Variants in LHFPL3 observed in about 807,000 individuals in gnomAD.
LHFPL3 encodes the protein LHFPL tetraspan subfamily member 3 protein.
LHFPL3 carries 5 observed loss-of-function variants against 19.3 expected under a neutral mutation model. The ratio of observed to expected loss-of-function variants is 0.26; its 90% CI spans 0.14 to 0.54. The LOEUF (loss-of-function observed/expected upper bound fraction) is 0.54, where lower values mean the gene tolerates loss of function less well. LHFPL3 is among the 20% of genes least tolerant of loss of function. The pLI is 0.94. For synonymous variants in LHFPL3, 133 were observed against 126.2 expected, an observed-to-expected ratio of 1.05 and a Z score of -0.36; for missense variants, 249 against 307.4, an observed-to-expected ratio of 0.81 and a Z score of 1.42.
At chr7:104,681,388 G>A (rs1252080439) in intron 1 of LHFPL3, among the ~76,000 whole-genome samples, 1 of 152,094 alleles carries the variant, frequency 6.6e-6, no homozygotes, top group Non-Finnish European at 1.5e-5. Flanking sequence ...ACTTTGGGAG[G>A]CCAAGGCAGG....
intron 1 of LHFPL3, among the ~76,000 whole-genome samples, chr7:104,547,958 G>C (rs1190917725): frequency 6.6e-6 from 1 of 152,072 alleles, no homozygotes; most frequent in Non-Finnish European, 1.5e-5. Context: ...GTACAAGTTA[G>C]ATCTCACCTA....
At chr7:104,591,475 G>A (rs186659515) in intron 1 of LHFPL3, among the ~76,000 whole-genome samples, 2 of 152,312 alleles carry the variant, frequency 1.3e-5, no homozygotes, top group South Asian at 4.1e-4. Flanking sequence ...CGTTTCTGCT[G>A]AGAGATCTGC....
intron 2 of LHFPL3, among the ~76,000 whole-genome samples, chr7:104,743,034 T>C (rs2116322066): frequency 6.6e-6 from 1 of 152,100 alleles, no homozygotes; most frequent in South Asian, 2.1e-4. Flanking sequence ...GGCAGGAGAA[T>C]CTCTTGAACC....
intron 2 of LHFPL3, among the ~76,000 whole-genome samples, chr7:104,823,008 C>G (rs936023522): frequency 6.6e-6 from 1 of 152,216 alleles, no homozygotes; most frequent in East Asian, 1.9e-4. Context: ...GAGCCGTACG[C>G]TCTGCATGAA....
intron 1 of LHFPL3, among the ~76,000 whole-genome samples, chr7:104,608,315 C>T (rs1401638960): frequency 6.6e-6 from 1 of 151,870 alleles, no homozygotes; most frequent in African/African-American, 2.4e-5. Context: ...ACTATGCAGC[C>T]ATAAAAAATG....
chr7:104,728,952 T>A (rs4352778), intron 1 of LHFPL3, among the ~76,000 whole-genome samples: 89,652 of 152,088 alleles, frequency 0.59, 26,824 homozygotes, highest in East Asian at 0.89. Flanking sequence ...TAGTATCCTG[T>A]ATAATTCAAT....
chr7:104,415,616 A>G (rs1428126247), intron 1 of LHFPL3, among the ~76,000 whole-genome samples: 1 of 152,184 alleles, frequency 6.6e-6, no homozygotes, highest in Non-Finnish European at 1.5e-5. Context: ...GTTCTTGGTA[A>G]CCTAAATACC....
At chr7:104,624,906 G>A (rs1355319151) in intron 1 of LHFPL3, among the ~76,000 whole-genome samples, 1 of 152,162 alleles carries the variant, frequency 6.6e-6, no homozygotes, top group African/African-American at 2.4e-5. Flanking sequence ...TCTGAGTCCA[G>A]GTTTAAAAAG....
At chr7:104,624,784 A>G (rs1431356503) in intron 1 of LHFPL3, among the ~76,000 whole-genome samples, 1 of 152,218 alleles carries the variant, frequency 6.6e-6, no homozygotes, top group Non-Finnish European at 1.5e-5. Context: ...GATCTATGAA[A>G]GATGTGCTTT....
At chr7:104,856,390 C>T (rs1237881996) in intron 2 of LHFPL3, among the ~76,000 whole-genome samples, 1 of 152,012 alleles carries the variant, frequency 6.6e-6, no homozygotes, top group Non-Finnish European at 1.5e-5. Context: ...GCCGGGATTA[C>T]AGGCACCCGC....
At chr7:104,769,818 G>A (rs1794521548) in intron 2 of LHFPL3, among the ~76,000 whole-genome samples, 1 of 151,654 alleles carries the variant, frequency 6.6e-6, no homozygotes, top group Admixed American at 6.6e-5. Flanking sequence ...TAAAGAAAAT[G>A]TGGCACATAT....
intron 1 of LHFPL3, among the ~76,000 whole-genome samples, chr7:104,615,763 A>C (rs1257708828): frequency 6.6e-6 from 1 of 150,928 alleles, no homozygotes; most frequent in South Asian, 2.1e-4. Flanking sequence ...CTTATGAGTG[A>C]GAACATGCGG....
intron 1 of LHFPL3, among the ~76,000 whole-genome samples, chr7:104,462,220 T>C (rs1213069519): frequency 6.6e-6 from 1 of 152,226 alleles, no homozygotes; most frequent in Non-Finnish European, 1.5e-5. Context: ...TCTTCCTATG[T>C]GATGCCCTTT....
chr7:104,699,853 C>T (rs765648354), intron 1 of LHFPL3, among the ~76,000 whole-genome samples: 3 of 152,134 alleles, frequency 2.0e-5, no homozygotes, highest in Non-Finnish European at 4.4e-5. Flanking sequence ...CAGGAAGCTC[C>T]GTCCATACTG....
At chr7:104,445,959 G>C (rs750490454) in intron 1 of LHFPL3, among the ~76,000 whole-genome samples, 1 of 152,060 alleles carries the variant, frequency 6.6e-6, no homozygotes, top group Non-Finnish European at 1.5e-5. Context: ...TTCTACTGGG[G>C]TTGCTAATGA....
chr7:104,416,410 G>A lies in LHFPL3; in HGVS notation c.445+87186G>A, dbSNP rs543473577. Among the ~76,000 whole-genome samples, 53 of 152,252 alleles carry A rather than the reference G, an allele frequency of 3.5e-4. 1 individual carries two copies. The highest frequency in any genetic ancestry group is 5.9e-4 in the Admixed American group (9 of 15,296). Reference sequence around the variant, plus strand: ...TGTTGTTACAGGAGCTCTAGAAAATGAATACACCACCCATCACTGTATCAC... The same window carrying A: ...TGTTGTTACAGGAGCTCTAGAAAATAAATACACCACCCATCACTGTATCAC... On this transcript the variant is annotated intron_variant, in intron 1 of 2. Coordinates refer to ENST00000424859, the MANE Select transcript of LHFPL3 (RefSeq NM_199000.3).
chr7:104,522,086 A>T (rs1794076416), intron 1 of LHFPL3, among the ~76,000 whole-genome samples: 3 of 152,090 alleles, frequency 2.0e-5, no homozygotes, highest in Admixed American at 2.0e-4. Flanking sequence ...ACACATGCAC[A>T]CGTATGTTTA....
chr7:104,773,408 C>T (rs1033174090), intron 2 of LHFPL3, among the ~76,000 whole-genome samples: 6 of 152,182 alleles, frequency 3.9e-5, no homozygotes, highest in Non-Finnish European at 7.3e-5. Context: ...TAGCGTGAGG[C>T]CCTGATGATC....
chr7:104,366,767 A>C (rs1004830474), intron 1 of LHFPL3, among the ~76,000 whole-genome samples: 2 of 152,210 alleles, frequency 1.3e-5, no homozygotes, highest in African/African-American at 2.4e-5. Context: ...ATTCTTGATA[A>C]AAGAGTGATT....
Sources: allele counts gnomAD v4.1 joint callset (sites outside exome capture counted in the v4.1 genomes callset), GRCh38; gene constraint gnomAD v4.1.1; transcripts MANE v1.5; gene names NCBI Gene and HGNC (gene_info 2026-07-23, HGNC 2026-07-21).